The following TPO variants were observed in gnomAD, a reference collection of about 807,000 sequenced individuals.
TPO encodes thyroid peroxidase, also known as thyroid microsomal antigen.
TPO carries 78 observed loss-of-function variants against 96.9 expected under a neutral mutation model. That is an observed-to-expected ratio of 0.81 (90% CI 0.67 to 0.97). The LOEUF (loss-of-function observed/expected upper bound fraction) is 0.97, where lower values mean the gene tolerates loss of function less well. Among genes scored for constraint, TPO ranks in the 50% least tolerant of loss-of-function variants. The pLI is 0.00. For missense variants in TPO, 1,252 were observed against 1,274.8 expected, an observed-to-expected ratio of 0.98 and a Z score of 0.27; for synonymous variants, 547 against 538.0, an observed-to-expected ratio of 1.02 and a Z score of -0.23.
chr2:1,520,467 C>T (rs887941038), intron 15 of TPO, among the ~76,000 whole-genome samples: 5 of 152,194 alleles, frequency 3.3e-5, no homozygotes, highest in African/African-American at 1.2e-4. Flanking sequence ...TCAGCAAACA[C>T]GTTTCCTCTC....
chr2:1,429,350 A>G (rs2148473870), intron 3 of TPO, among the ~76,000 whole-genome samples: 1 of 152,336 alleles, frequency 6.6e-6, no homozygotes, highest in South Asian at 2.1e-4. Context: ...AAGAACCGTG[A>G]GCCAATTAAA....
rs755269371 is a variant in TPO at position 1,453,745 on chromosome 2, T to A, written c.534T>A (p.Pro178=). The change falls in exon 6 of 17, where the codon CCT becomes CCA. Residue 178 remains proline, a synonymous_variant. Transcript: ENST00000329066. The part of the protein sequence containing the change: ...ASNTALARWL[P]PVYEDGFSQP... ...ACACGGCCCTGGCACGATGGCTCCC[T>A]CCAGTCTATGAGGACGGCTTCAGTC... 5 of 1,613,848 alleles carry A rather than the reference T, an allele frequency of 3.1e-6. No homozygotes were observed. The East Asian group carries it at 1.1e-4, about 36-fold the overall frequency.
rs1558385697 is a variant in TPO at position 1,511,255 on chromosome 2, C to CACA, written c.2519-5628_2519-5627insACA. Among the ~76,000 whole-genome samples the CACA allele has an allele frequency of 1.0e-3, 147 of 143,246 alleles. 10 individuals carry two copies. Among genetic ancestry groups the CACA allele is most frequent in the Non-Finnish European group, 1.2e-3 (79 of 65,524 alleles). The allele number at this position is 143,246 out of a possible 152,430, so 94.0% of individuals were successfully genotyped here. ...GCCCTGCAGACTGGGGGTGCCACAG[C>CACA]GCAGCCCTGCAGACTGGGGGTGCCA... On this transcript the variant is annotated intron_variant, in intron 14 of 16. Coordinates refer to ENST00000329066, the MANE Select transcript of TPO (RefSeq NM_001206744.2).
chr2:1,502,950 G>A (rs1393222884), intron 13 of TPO, among the ~76,000 whole-genome samples: 5 of 152,136 alleles, frequency 3.3e-5, no homozygotes, highest in East Asian at 1.9e-4. Context: ...GTGGCCAGCC[G>A]ACCACCCCAG....
chr2:1,527,343 C>G (rs1025541912), intron 15 of TPO, among the ~76,000 whole-genome samples: 21 of 136,808 alleles, frequency 1.5e-4, no homozygotes, highest in South Asian at 1.3e-3. Flanking sequence ...CAAAATACCC[C>G]CCGTGAGCAA....
At chr2:1,532,062 CACT>C (rs1257189523) in intron 15 of TPO, among the ~76,000 whole-genome samples, 2 of 121,742 alleles carry the variant, frequency 1.6e-5, no homozygotes, top group Non-Finnish European at 3.5e-5. Flanking sequence ...AAATACCCCC[CACT>C]GTGTGCACCT....
At chr2:1,421,601 A>G (rs899155505) in intron 2 of TPO, among the ~76,000 whole-genome samples, 3 of 152,212 alleles carry the variant, frequency 2.0e-5, no homozygotes, top group African/African-American at 7.2e-5. Context: ...CACAGAATAC[A>G]AAATGTGAGT....
At chr2:1,434,324 C>T (rs1429691325) in intron 4 of TPO, among the ~76,000 whole-genome samples, 1 of 152,166 alleles carries the variant, frequency 6.6e-6, no homozygotes, top group East Asian at 1.9e-4. Flanking sequence ...CCTCTGAGTT[C>T]TTCCTTCTAA....
rs781032903 is a variant in TPO at position 1,477,592 on chromosome 2, C to A, written c.1326C>A (p.Gly442=). 3 of 1,529,994 alleles carry A rather than the reference C, an allele frequency of 2.0e-6. No individual in the cohort carries two copies. The highest frequency in any genetic ancestry group is 2.0e-5 in the Admixed American group (1 of 50,478). The allele number at this position is 1,529,994 out of a possible 1,614,324, so 94.8% of individuals were successfully genotyped here. Residue 442 remains glycine (G), a synonymous_variant, in exon 8 of 17, where the codon GGC becomes GGA. Transcript: ENST00000329066. ...AVYQEARKVV[G]ALHQIITLRD... ...ACCAGGAGGCGCGCAAGGTCGTGGG[C>A]GCTCTGCACCAGGTGCGCGGGGTGG...
At position 1,516,817 on chromosome 2, in the gene TPO, G is replaced by A. The variant is rs931641870; in HGVS notation, c.2519-66G>A. ...AGGACAGGGTATGGCCCAGACTCAG[G>A]CAGGACAACCTGGCTTGCCCAGGCC... On this transcript the variant is annotated intron_variant, in intron 14 of 16. Transcript: ENST00000329066. 22 of 1,482,912 alleles carry A rather than the reference G, an allele frequency of 1.5e-5. No homozygotes were observed. In the African/African-American group the frequency reaches 2.4e-4, roughly 16 times the overall value. 91.9% of individuals were successfully genotyped at this position (1,482,912 alleles called of 1,614,324 possible).
At chr2:1,439,804 G>T (rs1665963929) in intron 5 of TPO, among the ~76,000 whole-genome samples, 1 of 152,056 alleles carries the variant, frequency 6.6e-6, no homozygotes, top group Non-Finnish European at 1.5e-5. Context: ...CTGGGTGGCG[G>T]TCCCTCACCT....
At chr2:1,406,827 G>T (rs920063728) in intron 1 of TPO, among the ~76,000 whole-genome samples, 1 of 152,232 alleles carries the variant, frequency 6.6e-6, no homozygotes, top group African/African-American at 2.4e-5. Flanking sequence ...AGATGAGCTT[G>T]CACCTTAGAC....
intron 3 of TPO, among the ~76,000 whole-genome samples, chr2:1,431,299 G>A (rs1241330418): frequency 6.6e-6 from 1 of 152,124 alleles, no homozygotes; most frequent in East Asian, 1.9e-4. Context: ...CTCACCATGT[G>A]AGACACCTGC....
At chr2:1,528,490 C>A (rs1390468384) in intron 15 of TPO, among the ~76,000 whole-genome samples, 1 of 145,376 alleles carries the variant, frequency 6.9e-6, no homozygotes, top group African/African-American at 2.7e-5. Flanking sequence ...CTCCTCAAAT[C>A]CCCCCTTCTG....
At position 1,479,304 on chromosome 2, in the gene TPO, C is replaced by G. The variant is rs895627765; in HGVS notation, c.1338+1700C>G. 3.3e-5 allele frequency among the ~76,000 whole-genome samples: 5 copies of G among 152,238 alleles called. No homozygotes were observed. In the South Asian group the frequency reaches 1.0e-3, roughly 32 times the overall value. ...TGTGCCCCTTCCCTGACTGCGACCT[C>G]CACGGGCAGATGTTCATCCATTTAA... On this transcript the variant is annotated intron_variant, in intron 8 of 16. Coordinates refer to ENST00000329066, the MANE Select transcript of TPO (RefSeq NM_001206744.2).
intron 11 of TPO, 63 bp downstream of exon 11, chr2:1,494,102 T>C: frequency 6.5e-7 from 1 of 1,530,118 alleles, no homozygotes; most frequent in Non-Finnish European, 9.1e-7. Context: ...TCTGCGTTGG[T>C]TCTGAAGCCA....
rs1045813759 is a variant in TPO at position 1,534,276 on chromosome 2, T to C, written c.2619-6318T>C. 1.7e-5 allele frequency among the ~76,000 whole-genome samples: 2 copies of C among 117,066 alleles called. 1 individual carries two copies. Among genetic ancestry groups the C allele is most frequent in the Non-Finnish European group, 3.4e-5 (2 of 59,232 alleles). 76.8% of individuals were successfully genotyped at this position (117,066 alleles called of 152,430 possible). A position where few individuals can be genotyped will look rare whatever the true frequency, so the allele number is the denominator to read the frequency against. ...GAGCAACCTTCTCAAATCCCCCCAA[T>C]ATGAGCAACCTCCTCACATCCCCCT... On this transcript the variant is annotated intron_variant, in intron 15 of 16. Transcript: ENST00000329066.
intron 8 of TPO, among the ~76,000 whole-genome samples, chr2:1,483,449 T>G (rs79171266): frequency 4.6e-5 from 7 of 152,180 alleles, no homozygotes; most frequent in Non-Finnish European, 8.8e-5. Context: ...CCAAAGAATG[T>G]TCCAGGGAAC....
chr2:1,490,491 C>T (rs148391019), intron 10 of TPO, among the ~76,000 whole-genome samples: 8,136 of 134,914 alleles, frequency 0.06, 634 homozygotes, highest in Admixed American at 0.15. Context: ...GGGGGAGTCA[C>T]GACACAGCAG....
Sources: allele counts gnomAD v4.1 joint callset (sites outside exome capture counted in the v4.1 genomes callset), GRCh38; gene constraint gnomAD v4.1.1; transcripts MANE v1.5; gene names NCBI Gene and HGNC (gene_info 2026-07-23, HGNC 2026-07-21).